Variants in USP10 observed in about 807,000 individuals in gnomAD.
The protein encoded by USP10 is ubiquitin specific peptidase 10.
In USP10, 22 loss-of-function variants were observed where a neutral mutation model predicts 84.5. The observed-to-expected ratio is 0.26, with a 90% CI of 0.19 to 0.37. The LOEUF (loss-of-function observed/expected upper bound fraction) is 0.37. Ranked by LOEUF, USP10 falls within the 10% of genes least tolerant of loss-of-function variation. The pLI is 1.00. For missense variants in USP10, 1,019 were observed against 998.9 expected (o/e 1.02, Z -0.27); for synonymous variants, 454 against 387.6 (o/e 1.17, Z -2.01).
chr16:84,764,114 C>G lies in USP10; in HGVS notation c.1683C>G (p.Asn561Lys), dbSNP rs1450306304. 6.2e-7 allele frequency: 1 copy of G among 1,613,418 alleles called. No homozygotes were observed. The highest frequency in any genetic ancestry group is 8.5e-7 in the Non-Finnish European group (1 of 1,179,676). ...TTACGATTTCCAACGGCCCCAAAAA[C>G]CACTCGGTCAATGAAGAAGAGCAGG... The part of the protein sequence containing the change: ...EKLTISNGPK[N>K]HSVNEEEQEE... The change falls in exon 10 of 14, where the codon AAC becomes AAG. Residue 561 changes from asparagine (N) to lysine (K), a missense_variant. Physicochemically the swap from Asn to Lys is moderately conservative, Grantham distance 94. Transcript: ENST00000219473.
intron 11 of USP10, among the ~76,000 whole-genome samples, chr16:84,770,106 C>T (rs537983823): frequency 6.6e-6 from 1 of 152,198 alleles, no homozygotes; most frequent in South Asian, 2.1e-4. Context: ...AACCGTGTCT[C>T]TAAAACATAA....
At chr16:84,762,637 G>A (rs970098400) in intron 8 of USP10, among the ~76,000 whole-genome samples, 1 of 151,540 alleles carries the variant, frequency 6.6e-6, no homozygotes, top group Non-Finnish European at 1.5e-5. Context: ...GTTGCACTGA[G>A]CTGAGATTGC....
In USP10 at chr16:84,731,283, C is replaced by CT. The variant is rs531027465; in HGVS notation, c.22-2137dup. Among the ~76,000 whole-genome samples the CT allele has an allele frequency of 9.7e-3, 1,382 of 142,590 alleles. 8 individuals are homozygous for CT. The highest frequency in any genetic ancestry group is 0.025 in the African/African-American group (995 of 39,132). 93.5% of individuals were successfully genotyped at this position (142,590 alleles called of 152,430 possible). A position where few individuals can be genotyped will look rare whatever the true frequency, so the allele number is the denominator to read the frequency against. ...TGTGAGCCACCGCTCCCGGCCTCTA[C>CT]TTTTTTTTTTTTTTTAACTGCTCGT... On this transcript the variant is annotated intron_variant, in intron 1 of 13. Coordinates refer to ENST00000219473, the MANE Select transcript of USP10 (RefSeq NM_005153.3).
At chr16:84,741,345 G>A (rs73243979) in intron 3 of USP10, among the ~76,000 whole-genome samples, 2,870 of 152,306 alleles carry the variant, frequency 0.019, 90 homozygotes, top group African/African-American at 0.065. Flanking sequence ...CCGGGAAGCC[G>A]GGCTGCTCAG....
intron 1 of USP10, among the ~76,000 whole-genome samples, chr16:84,724,298 AT>A (rs1386700922): frequency 6.6e-6 from 1 of 152,192 alleles, no homozygotes; most frequent in African/African-American, 2.4e-5. Context: ...TTCAATCTGA[AT>A]TCAATCTAAA....
chr16:84,723,147 T>A (rs1240220049), intron 1 of USP10, among the ~76,000 whole-genome samples: 1 of 73,618 alleles, frequency 1.4e-5, no homozygotes, highest in Admixed American at 1.2e-4. Context: ...ACATCCAGGG[T>A]TTTTTTTTTT....
At chr16:84,733,749 C>T (rs1054825189) in intron 2 of USP10, among the ~76,000 whole-genome samples, 1 of 152,124 alleles carries the variant, frequency 6.6e-6, no homozygotes, top group Non-Finnish European at 1.5e-5. Context: ...CTCCTTTGGA[C>T]CTCTCTCCCA....
intron 10 of USP10, among the ~76,000 whole-genome samples, chr16:84,764,746 G>A (rs1182526270): frequency 4.6e-5 from 7 of 151,792 alleles, no homozygotes; most frequent in African/African-American, 1.2e-4. Flanking sequence ...CAGGAGAATC[G>A]CTTGAACCCA....
intron 10 of USP10, among the ~76,000 whole-genome samples, chr16:84,765,451 CTT>C (rs1391739868): frequency 1.3e-5 from 2 of 150,646 alleles, no homozygotes; most frequent in Admixed American, 6.6e-5. Flanking sequence ...AGGAACCACT[CTT>C]TTCCCTATCT....
chr16:84,765,368 C>T (rs1238129474), intron 10 of USP10, among the ~76,000 whole-genome samples: 1 of 152,160 alleles, frequency 6.6e-6, no homozygotes, highest in Non-Finnish European at 1.5e-5. Context: ...CATCAGATCT[C>T]TAGACCTGTT....
At chr16:84,749,459 A>G (rs1442804023) in intron 4 of USP10, among the ~76,000 whole-genome samples, 1 of 152,156 alleles carries the variant, frequency 6.6e-6, no homozygotes, top group Non-Finnish European at 1.5e-5. Context: ...TGATTTAGAC[A>G]TTAAATGTAT....
chr16:84,726,223 G>A (rs77762177), intron 1 of USP10, among the ~76,000 whole-genome samples: 3 of 152,172 alleles, frequency 2.0e-5, no homozygotes, highest in Non-Finnish European at 4.4e-5. Context: ...CCCTAGTGCC[G>A]TGCTGTACTG....
Position 84,735,021 on chromosome 16 carries a change from C to T in USP10, c.90+1518C>T, listed in dbSNP as rs1909715493. Among the ~76,000 whole-genome samples the T allele has an allele frequency of 2.0e-5, 3 of 152,034 alleles. No individual in the cohort carries two copies. In the South Asian group the frequency reaches 6.2e-4, roughly 32 times the overall value. On this transcript the variant is annotated intron_variant, in intron 2 of 13. Coordinates refer to ENST00000219473, the MANE Select transcript of USP10 (RefSeq NM_005153.3). The stretch of plus-strand genomic sequence containing the variant: ...CACGTTTTATTTTATTTTTTTATTT[C>T]TATTTTTTCTTTTCTTTTCTTTTTT...
chr16:84,767,826 A>G (rs1015063401), intron 10 of USP10, among the ~76,000 whole-genome samples: 4 of 150,994 alleles, frequency 2.6e-5, no homozygotes, highest in African/African-American at 9.7e-5. Flanking sequence ...TTTCTCACAG[A>G]GGGGGATTTG....
intron 4 of USP10, among the ~76,000 whole-genome samples, chr16:84,747,970 G>A (rs918017955): frequency 2.6e-5 from 4 of 151,630 alleles, no homozygotes; most frequent in African/African-American, 9.7e-5. Flanking sequence ...GGCTAACACG[G>A]TGAAACCCCG....
Position 84,775,130 on chromosome 16 carries a change from G to A in USP10, c.2144-30G>A, listed in dbSNP as rs772429133. ...TGTTACCCTGAACCTTTCTAAAAGT[G>A]CTTCAAGCCATTGATATTTTGTTTT... On this transcript the variant is annotated intron_variant, in intron 12 of 13. Transcript: ENST00000219473. 2.5e-6 allele frequency: 4 copies of A among 1,606,432 alleles called. No individual in the cohort carries two copies. The South Asian group carries it at 3.3e-5, about 13-fold the overall frequency.
intron 5 of USP10, 73 bp downstream of exon 5, chr16:84,758,880 C>A: frequency 9.0e-7 from 1 of 1,108,396 alleles, no homozygotes; most frequent in Non-Finnish European, 1.4e-6. Context: ...TGTGACTTAG[C>A]TCAGCTTCCG....
intron 13 of USP10, among the ~76,000 whole-genome samples, chr16:84,778,175 C>G (rs1282584361): frequency 1.3e-5 from 2 of 148,746 alleles, no homozygotes; most frequent in Non-Finnish European, 3.0e-5. Context: ...AAATGCGTAA[C>G]TACCAGCACC....
At position 84,731,537 on chromosome 16, in the gene USP10, A is replaced by G. The variant is rs539991812; in HGVS notation, c.22-1898A>G. 3.2e-4 allele frequency among the ~76,000 whole-genome samples: 49 copies of G among 151,858 alleles called. No individual in the cohort carries two copies. The East Asian group carries it at 7.5e-3, about 23-fold the overall frequency. On this transcript the variant is annotated intron_variant, in intron 1 of 13. Transcript: ENST00000219473. Reference sequence around the variant, plus strand: ...TTTCCTCCCCCCAAGAAAAAGGTGTATGTGACAGAAAGTGTTCTTTCTCTT... The same window carrying G: ...TTTCCTCCCCCCAAGAAAAAGGTGTGTGTGACAGAAAGTGTTCTTTCTCTT...
Sources: gnomAD v4.1 joint callset for allele counts (sites outside exome capture counted in the v4.1 genomes callset) on GRCh38, gnomAD v4.1.1 for gene constraint, MANE v1.5 for transcripts, NCBI Gene and HGNC (gene_info 2026-07-23, HGNC 2026-07-21) for gene names.